CNTN4: variants seen among roughly 807,000 people sequenced by gnomAD.
CNTN4 encodes contactin 4, also known as contactin-4.
In CNTN4, 77 loss-of-function variants were observed where a neutral mutation model predicts 122.5. That is an observed-to-expected ratio of 0.63 (90% CI 0.52 to 0.76). The LOEUF (loss-of-function observed/expected upper bound fraction) is 0.76, where lower values mean the gene tolerates loss of function less well. Ranked by LOEUF, CNTN4 falls within the 30% of genes least tolerant of loss-of-function variation. The pLI is 0.00. For missense variants in CNTN4, 1,256 were observed against 1,259.1 expected, an observed-to-expected ratio of 1.00 and a Z score of 0.04; for synonymous variants, 512 against 447.0, an observed-to-expected ratio of 1.15 and a Z score of -1.83.
At chr3:2,359,886 AT>A in intron 3 of CNTN4, among the ~76,000 whole-genome samples, 1 of 152,148 alleles carries the variant, frequency 6.6e-6, no homozygotes, top group Non-Finnish European at 1.5e-5. Context: ...CTGAACAGAT[AT>A]TTTGGAGTTT....
chr3:2,891,161 A>T (rs935591764), intron 10 of CNTN4, among the ~76,000 whole-genome samples: 1 of 152,204 alleles, frequency 6.6e-6, no homozygotes, highest in African/African-American at 2.4e-5. Flanking sequence ...AAGAGTGATA[A>T]AGAAAATAAT....
chr3:2,786,006 C>A lies in CNTN4; in HGVS notation c.359-33480C>A, dbSNP rs184750498. Among the ~76,000 whole-genome samples, 162 of 150,682 alleles carry A rather than the reference C, an allele frequency of 1.1e-3. 2 individuals are homozygous for A. Among genetic ancestry groups the A allele is most frequent in the African/African-American group, 3.9e-3 (159 of 40,976 alleles). ...TGTCCGAACGTTGAGAGGTGAAGAA[C>A]CAGCTGGGCATCGGAGACTACAATC... On this transcript the variant is annotated intron_variant, in intron 6 of 24. Coordinates refer to ENST00000418658, the MANE Select transcript of CNTN4 (RefSeq NM_175607.3).
intron 13 of CNTN4, among the ~76,000 whole-genome samples, chr3:2,936,378 C>T (rs141374926): frequency 1.3e-5 from 2 of 152,292 alleles, no homozygotes; most frequent in East Asian, 3.9e-4. Flanking sequence ...TTCAAAGATG[C>T]TTTCTCGGGA....
At chr3:2,197,240 G>A (rs909019922) in intron 2 of CNTN4, among the ~76,000 whole-genome samples, 2 of 151,976 alleles carry the variant, frequency 1.3e-5, no homozygotes, top group Non-Finnish European at 2.9e-5. Flanking sequence ...AGCTTTCTGC[G>A]GATGCTCTGT....
At chr3:2,788,369 T>C (rs1051231677) in intron 6 of CNTN4, among the ~76,000 whole-genome samples, 4 of 152,160 alleles carry the variant, frequency 2.6e-5, no homozygotes, top group Non-Finnish European at 5.9e-5. Flanking sequence ...CAATGGAATA[T>C]AAACTGATGG....
At chr3:2,314,315 T>C (rs1012067438) in intron 2 of CNTN4, among the ~76,000 whole-genome samples, 1 of 151,978 alleles carries the variant, frequency 6.6e-6, no homozygotes, top group Admixed American at 6.6e-5. Context: ...AGGAATAATA[T>C]TCAAGGGTAG....
intron 13 of CNTN4, among the ~76,000 whole-genome samples, chr3:2,981,563 A>G (rs113472423): frequency 0.069 from 9,149 of 131,760 alleles, 369 homozygotes; most frequent in Non-Finnish European, 0.096. Flanking sequence ...TATATTCATG[A>G]AAAAAAAAAA....
chr3:2,355,488 G>A (rs753602534), intron 3 of CNTN4, among the ~76,000 whole-genome samples: 2 of 152,150 alleles, frequency 1.3e-5, no homozygotes, highest in African/African-American at 2.4e-5. Flanking sequence ...TTACAGCTAC[G>A]AAGTACAGCT....
chr3:2,256,503 G>A (rs9883338), intron 2 of CNTN4, among the ~76,000 whole-genome samples: 3,395 of 152,194 alleles, frequency 0.022, 133 homozygotes, highest in African/African-American at 0.077. Context: ...GAAAATTTCA[G>A]GTCAGTATCC....
At chr3:2,114,844 G>A (rs556874949) in intron 2 of CNTN4, among the ~76,000 whole-genome samples, 92 of 152,312 alleles carry the variant, frequency 6.0e-4, no homozygotes, top group Admixed American at 1.3e-3. Flanking sequence ...ATCATTCCGT[G>A]TTTCTCTCTT....
intron 3 of CNTN4, among the ~76,000 whole-genome samples, chr3:2,521,332 A>T (rs2077205023): frequency 8.9e-6 from 1 of 112,430 alleles, no homozygotes; most frequent in Admixed American, 9.6e-5. Flanking sequence ...ACAAGGGTGG[A>T]CCTCTACCCA....
chr3:3,050,437 A>G (rs1275004432), intron 23 of CNTN4, among the ~76,000 whole-genome samples: 1 of 152,072 alleles, frequency 6.6e-6, no homozygotes, highest in Non-Finnish European at 1.5e-5. Flanking sequence ...CCAGAGCCCT[A>G]CAGGTGGTAG....
At chr3:2,461,415 AGTTATG>A (rs1201779566) in intron 3 of CNTN4, among the ~76,000 whole-genome samples, 1 of 152,108 alleles carries the variant, frequency 6.6e-6, no homozygotes, top group African/African-American at 2.4e-5. Flanking sequence ...AACCCTGTGG[AGTTATG>A]GTTTTAATAT....
intron 2 of CNTN4, among the ~76,000 whole-genome samples, chr3:2,153,153 A>T (rs772832737): frequency 6.6e-6 from 1 of 152,130 alleles, no homozygotes; most frequent in African/African-American, 2.4e-5. Flanking sequence ...AGGAGTCTGG[A>T]GTTGAGAAGA....
At position 2,490,071 on chromosome 3, in the gene CNTN4, C is replaced by T. The variant is rs185011829; in HGVS notation, c.-88-81345C>T. 2.4e-3 allele frequency among the ~76,000 whole-genome samples: 358 copies of T among 150,568 alleles called. 1 individual carries two copies. Among genetic ancestry groups the T allele is most frequent in the African/African-American group, 6.8e-3 (278 of 41,006 alleles). ...AGCAGGATTAGAATTATTATCTCTA[C>T]CAGGAAAGGAAAAAAAAAAAAACCT... On this transcript the variant is annotated intron_variant, in intron 3 of 24. Coordinates refer to ENST00000418658, the MANE Select transcript of CNTN4 (RefSeq NM_175607.3).
intron 2 of CNTN4, among the ~76,000 whole-genome samples, chr3:2,283,841 T>G (rs1208519476): frequency 2.0e-5 from 3 of 152,134 alleles, no homozygotes; most frequent in Non-Finnish European, 4.4e-5. Context: ...GCATTTCTCT[T>G]CAAGGGAGGC....
intron 4 of CNTN4, among the ~76,000 whole-genome samples, chr3:2,573,416 A>G (rs1196961068): frequency 1.3e-5 from 2 of 152,158 alleles, no homozygotes; most frequent in Non-Finnish European, 2.9e-5. Flanking sequence ...CAGTATGCCC[A>G]GGCTCTAATA....
intron 12 of CNTN4, among the ~76,000 whole-genome samples, chr3:2,909,600 A>G (rs1220751312): frequency 6.6e-6 from 1 of 152,178 alleles, no homozygotes; most frequent in Admixed American, 6.5e-5. Flanking sequence ...CTCTGATCCT[A>G]GGACCCAGGC....
intron 6 of CNTN4, among the ~76,000 whole-genome samples, chr3:2,772,727 C>T (rs2091157477): frequency 1.3e-5 from 2 of 152,102 alleles, no homozygotes; most frequent in South Asian, 4.1e-4. Flanking sequence ...AGAAATACTA[C>T]ATCGATAGGG....
Sources: gnomAD v4.1 joint callset for allele counts (sites outside exome capture counted in the v4.1 genomes callset) on GRCh38, gnomAD v4.1.1 for gene constraint, MANE v1.5 for transcripts, NCBI Gene and HGNC (gene_info 2026-07-23, HGNC 2026-07-21) for gene names.